TBC1D22A: variants seen among roughly 807,000 people sequenced by gnomAD.
TBC1D22A encodes the protein TBC1 domain family member 22A.
In TBC1D22A, 38 loss-of-function variants were observed where a neutral mutation model predicts 60.2. The observed-to-expected ratio is 0.63, with a 90% CI of 0.49 to 0.83. The LOEUF is 0.83. Among genes scored for constraint, TBC1D22A ranks in the 40% least tolerant of loss-of-function variants. The pLI is 0.00. For synonymous variants in TBC1D22A, 302 were observed against 281.7 expected (o/e 1.07, Z -0.72); for missense variants, 628 against 701.0 (o/e 0.90, Z 1.18).
chr22:46,834,040 A>G (rs919523346), intron 4 of TBC1D22A, among the ~76,000 whole-genome samples: 9 of 151,848 alleles, frequency 5.9e-5, no homozygotes, highest in South Asian at 2.1e-4. Flanking sequence ...TATTCGTAGC[A>G]TTTTCTTATT....
intron 10 of TBC1D22A, among the ~76,000 whole-genome samples, chr22:47,012,669 T>C (rs1397579833): frequency 2.0e-5 from 3 of 152,230 alleles, no homozygotes; most frequent in Non-Finnish European, 4.4e-5. Flanking sequence ...GAGAGATTCA[T>C]TTTCTTAAAA....
intron 5 of TBC1D22A, among the ~76,000 whole-genome samples, chr22:46,890,735 C>A (rs938666787): frequency 1.3e-5 from 2 of 152,176 alleles, no homozygotes; most frequent in African/African-American, 2.4e-5. Flanking sequence ...ACTGAGACTG[C>A]AGCTGCCATG....
At chr22:46,829,685 A>G (rs2086223907) in intron 4 of TBC1D22A, among the ~76,000 whole-genome samples, 1 of 152,184 alleles carries the variant, frequency 6.6e-6, no homozygotes, top group Non-Finnish European at 1.5e-5. Flanking sequence ...TAATGCAGCT[A>G]TTATTCATCC....
At chr22:46,978,121 C>T (rs969531848) in intron 9 of TBC1D22A, among the ~76,000 whole-genome samples, 18 of 152,214 alleles carry the variant, frequency 1.2e-4, no homozygotes, top group Admixed American at 3.9e-4. Context: ...CCTGCCCTGG[C>T]GAGGTGTGAT....
At chr22:47,099,199 G>A (rs971607913) in intron 11 of TBC1D22A, among the ~76,000 whole-genome samples, 2 of 152,184 alleles carry the variant, frequency 1.3e-5, no homozygotes. Flanking sequence ...AGCCTTAGAT[G>A]GCAGCTGGGA....
intron 10 of TBC1D22A, among the ~76,000 whole-genome samples, chr22:47,014,498 G>A (rs540609762): frequency 1.3e-5 from 2 of 152,300 alleles, no homozygotes; most frequent in South Asian, 2.1e-4. Context: ...GTCAGGGCCC[G>A]GGGGTAGGGG....
chr22:46,825,872 CTG>C (rs1205967404), intron 4 of TBC1D22A, among the ~76,000 whole-genome samples: 3 of 150,376 alleles, frequency 2.0e-5, no homozygotes, highest in Non-Finnish European at 4.4e-5. Context: ...TGATGAGACA[CTG>C]TGGTGGTCTT....
chr22:46,860,058 G>A (rs1456783312), intron 4 of TBC1D22A, among the ~76,000 whole-genome samples: 1 of 16,226 alleles, frequency 6.2e-5, no homozygotes, highest in Non-Finnish European at 9.7e-5. Context: ...AGAGGTCCGC[G>A]CAGTGCTGTG....
At chr22:47,006,065 C>T (rs1048693252) in intron 10 of TBC1D22A, among the ~76,000 whole-genome samples, 13 of 152,188 alleles carry the variant, frequency 8.5e-5, no homozygotes, top group Non-Finnish European at 1.6e-4. Flanking sequence ...TGTATTTAGA[C>T]ACACCCACTT....
intron 11 of TBC1D22A, among the ~76,000 whole-genome samples, chr22:47,062,879 G>C (rs1004184031): frequency 1.3e-5 from 2 of 151,908 alleles, no homozygotes; most frequent in African/African-American, 4.8e-5. Context: ...AAGAAGACTG[G>C]CTCATAGGAC....
chr22:46,991,875 G>A (rs75430848), intron 9 of TBC1D22A, among the ~76,000 whole-genome samples: 2,447 of 152,226 alleles, frequency 0.016, 32 homozygotes, highest in South Asian at 0.033. Context: ...TGCTCCCTCG[G>A]GCCGCCGGGG....
chr22:46,801,393 G>T (rs1306490152), intron 4 of TBC1D22A, among the ~76,000 whole-genome samples: 2 of 152,258 alleles, frequency 1.3e-5, no homozygotes, highest in Non-Finnish European at 1.5e-5. Flanking sequence ...ACAGAAATGA[G>T]TCTACCTGCT....
intron 10 of TBC1D22A, among the ~76,000 whole-genome samples, chr22:47,015,820 T>A (rs913652379): frequency 3.6e-4 from 55 of 152,306 alleles, no homozygotes; most frequent in Non-Finnish European, 6.8e-4. Flanking sequence ...TTCGGGGTCT[T>A]GGCCTTACGC....
intron 12 of TBC1D22A, among the ~76,000 whole-genome samples, chr22:47,120,363 A>G (rs1277842161): frequency 2.0e-5 from 3 of 152,366 alleles, no homozygotes; most frequent in Admixed American, 6.5e-5. Context: ...TTTTTGTAAC[A>G]TGATGAACAA....
intron 11 of TBC1D22A, among the ~76,000 whole-genome samples, chr22:47,104,781 G>C (rs531244778): frequency 3.3e-5 from 5 of 151,354 alleles, no homozygotes; most frequent in Non-Finnish European, 5.9e-5. Context: ...AAAGAACCTT[G>C]GTCTCCACAG....
At chr22:46,992,989 T>TA (rs1453281010) in intron 9 of TBC1D22A, among the ~76,000 whole-genome samples, 1 of 152,214 alleles carries the variant, frequency 6.6e-6, no homozygotes, top group Non-Finnish European at 1.5e-5. Flanking sequence ...GACACTATGT[T>TA]ACGGTGAAAT....
intron 4 of TBC1D22A, among the ~76,000 whole-genome samples, chr22:46,865,816 T>G (rs2067025718): frequency 6.6e-6 from 1 of 152,154 alleles, no homozygotes; most frequent in Non-Finnish European, 1.5e-5. Context: ...AAGATACTAT[T>G]GAAAATGCCA....
chr22:46,828,239 G>T (rs981096076), intron 4 of TBC1D22A, among the ~76,000 whole-genome samples: 8 of 152,196 alleles, frequency 5.3e-5, no homozygotes, highest in African/African-American at 1.4e-4. Flanking sequence ...CTCACCCACG[G>T]ATTAATAAAT....
intron 8 of TBC1D22A, among the ~76,000 whole-genome samples, chr22:46,969,561 T>C (rs1034883528): frequency 1.2e-4 from 18 of 152,256 alleles, no homozygotes; most frequent in Non-Finnish European, 2.6e-4. Context: ...AGATGGTTTT[T>C]AACTCAGTGT....
Sources: gnomAD v4.1 joint callset for allele counts (sites outside exome capture counted in the v4.1 genomes callset) on GRCh38, gnomAD v4.1.1 for gene constraint, MANE v1.5 for transcripts, NCBI Gene and HGNC (gene_info 2026-07-23, HGNC 2026-07-21) for gene names.